The following MYH7B variants were observed in gnomAD, a reference collection of about 807,000 sequenced individuals.
The protein encoded by MYH7B is myosin-7B.
In MYH7B, 205 loss-of-function variants were observed where a neutral mutation model predicts 234.5. That is an observed-to-expected ratio of 0.87 (90% confidence interval 0.78 to 0.98). The LOEUF (loss-of-function observed/expected upper bound fraction) is 0.98, where lower values mean the gene tolerates loss of function less well. MYH7B is among the 50% of genes least tolerant of loss of function. The probability of loss-of-function intolerance (pLI) is 0.00; values close to 1 mark genes in which losing one functional copy is unlikely to be tolerated. For synonymous variants in MYH7B, 1,193 were observed against 1,105.0 expected (o/e 1.08, Z -1.58); for missense variants, 2,652 against 2,633.4 (o/e 1.01, Z -0.15).
intron 7 of MYH7B, 48 bp from the exon 8 acceptor site, chr20:34,980,530 T>TC: frequency 1.3e-6 from 2 of 1,511,354 alleles, no homozygotes; most frequent in Non-Finnish European, 1.8e-6. Flanking sequence ...AGAGCAAGAC[T>TC]CCATCTCAAA....
chr20:34,990,972 T>G, intron 23 of MYH7B, 32 bp from the exon 24 acceptor site: 1 of 1,592,460 alleles, frequency 6.3e-7, no homozygotes, highest in South Asian at 1.1e-5. Flanking sequence ...GTGTGCCTGT[T>G]GACCTCTGAC....
chr20:34,967,810 C>T (rs1413112431), intron 2 of MYH7B, among the ~76,000 whole-genome samples: 1 of 152,192 alleles, frequency 6.6e-6, no homozygotes, highest in Non-Finnish European at 1.5e-5. Flanking sequence ...CTGACCAAGC[C>T]TGGGGCAAGC....
chr20:34,985,948 A>T (rs2082013613), intron 13 of MYH7B, 152 bp from the exon 14 acceptor site: 1 of 673,658 alleles, frequency 1.5e-6, no homozygotes, highest in Non-Finnish European at 2.7e-6. Flanking sequence ...TGACGCAGGC[A>T]CAGGGGAGAT....
At chr20:34,967,732 C>T (rs373303748) in intron 2 of MYH7B, among the ~76,000 whole-genome samples, 63 of 152,318 alleles carry the variant, frequency 4.1e-4, no homozygotes, top group African/African-American at 1.4e-3. Flanking sequence ...TCAGAACAAA[C>T]CTGATGCCAA....
At chr20:34,969,583 C>T (rs952275880) in intron 2 of MYH7B, among the ~76,000 whole-genome samples, 2 of 133,376 alleles carry the variant, frequency 1.5e-5, no homozygotes, top group South Asian at 2.3e-4. Context: ...CTAGCTCTGT[C>T]GCCCAGGCTG....
Position 35,002,086 on chromosome 20 carries a change from G to A in MYH7B, c.5814+1G>A. On this transcript the variant is annotated splice_donor_variant, in intron 44 of 44. Coordinates refer to ENST00000262873, the Ensembl canonical transcript of MYH7B. LOFTEE classifies it high-confidence loss of function. ...GACCCGGGACGCCCTGGGCCCCAAG[G>A]TGAGGAGTGGCAGGGGCATTGCTCT... The A allele has an allele frequency of 2.5e-6, 4 of 1,613,678 alleles. No homozygotes were observed. The highest frequency in any genetic ancestry group is 3.4e-6 in the Non-Finnish European group (4 of 1,179,952).
intron 38 of MYH7B, 136 bp downstream of exon 38, chr20:35,000,042 C>G (rs1368470614): frequency 2.1e-6 from 2 of 955,600 alleles, no homozygotes; most frequent in Non-Finnish European, 3.2e-6. Flanking sequence ...CTGTGAACCT[C>G]GGAGATGCTA....
chr20:35,000,891 G>A (rs2147246326), exon 40 of MYH7B: 1 of 1,611,986 alleles, frequency 6.2e-7, no homozygotes, highest in Admixed American at 1.7e-5. Flanking sequence ...GGCCATCACT[G>A]ATGTGAGGCT....
At chr20:34,984,040 C>T (rs913491909) in intron 10 of MYH7B, among the ~76,000 whole-genome samples, 3 of 152,220 alleles carry the variant, frequency 2.0e-5, no homozygotes, top group African/African-American at 7.2e-5. Flanking sequence ...GTCCAGGCGG[C>T]AGGATGCTGG....
chr20:34,973,403 T>C (rs555049563), intron 2 of MYH7B, among the ~76,000 whole-genome samples: 2 of 152,346 alleles, frequency 1.3e-5, no homozygotes, highest in Non-Finnish European at 2.9e-5. Context: ...CACAGAGTCC[T>C]TCGATGTCTT....
intron 2 of MYH7B, among the ~76,000 whole-genome samples, chr20:34,974,173 C>T (rs555106522): frequency 2.8e-4 from 43 of 151,412 alleles, no homozygotes; most frequent in African/African-American, 6.8e-4. Flanking sequence ...GTAATCCACC[C>T]GCCTTGGCTT....
intron 19 of MYH7B, among the ~76,000 whole-genome samples, chr20:34,989,409 G>T (rs1314946591): frequency 2.0e-5 from 3 of 152,124 alleles, no homozygotes; most frequent in South Asian, 2.1e-4. Flanking sequence ...GGCTTTTTTT[G>T]ACTTACCCCA....
chr20:34,991,169 G>C (rs781539453), intron 24 of MYH7B, 48 bp downstream of exon 24: 1 of 1,355,808 alleles, frequency 7.4e-7, no homozygotes, highest in African/African-American at 1.4e-5. Context: ...GAGGCCTGAG[G>C]GGCTGGGCAG....
exon 17 of MYH7B, chr20:34,987,565 A>G (rs1414269779): frequency 6.2e-7 from 1 of 1,612,738 alleles, no homozygotes; most frequent in South Asian, 1.1e-5. Flanking sequence ...AGGTGCTGAC[A>G]AGGCTGCCTA....
intron 10 of MYH7B, among the ~76,000 whole-genome samples, chr20:34,983,594 G>A (rs868810082): frequency 1.3e-5 from 2 of 152,124 alleles, no homozygotes; most frequent in Non-Finnish European, 2.9e-5. Flanking sequence ...TGGAGCCCAG[G>A]GGAGAGGGTC....
chr20:34,997,068 C>T lies in MYH7B; in HGVS notation c.3267-15C>T. The stretch of plus-strand genomic sequence containing the variant: ...AGTTAAGGCCTGTGCTGGCCACCCA[C>T]TCTGTGGCTCCCAGGAAGGACTCCG... On this transcript the variant is annotated splice_polypyrimidine_tract_variant and intron_variant, in intron 30 of 44. Coordinates refer to ENST00000262873, the Ensembl canonical transcript of MYH7B. The T allele has an allele frequency of 1.9e-6, 3 of 1,547,856 alleles. No homozygotes were observed. The highest frequency in any genetic ancestry group is 1.4e-5 in the African/African-American group (1 of 72,872).
Position 34,999,866 on chromosome 20 carries a change from C to T in MYH7B, c.4741C>T (p.Arg1581Trp), listed in dbSNP as rs780992553. The T allele has an allele frequency of 1.5e-5, 24 of 1,612,096 alleles. No homozygotes were observed. Among genetic ancestry groups the T allele is most frequent in the Middle Eastern group, 1.7e-4 (1 of 6,054 alleles). ...CTCCCAGGTCAAAGCAGAAGTGGAC[C>T]GGAAGCTGGCAGAGAAAGACGAGGA... is the stretch of plus-strand genomic sequence containing the variant. Residue 1581 changes from arginine (R) to tryptophan (W), a missense_variant, in exon 38 of 45, where the codon CGG (arginine) becomes TGG (tryptophan). Physicochemically the swap from Arg to Trp is moderately radical, Grantham distance 101. Around this residue, in one of 3 missense-constraint regions of MYH7B, gnomAD observed 2,279 missense variants for 2,211.4 expected, o/e 1.03. Transcript: ENST00000262873.
At chr20:34,996,967 C>A in intron 30 of MYH7B, 116 bp from the exon 31 acceptor site, 5 of 1,145,670 alleles carry the variant, frequency 4.4e-6, no homozygotes, top group Non-Finnish European at 4.6e-6. Context: ...CCCAGTGCAG[C>A]AGGTGCATGG....
At chr20:34,979,930 T>A (rs2081917637) in intron 7 of MYH7B, 126 bp downstream of exon 7, 1 of 1,008,586 alleles carries the variant, frequency 9.9e-7, no homozygotes, top group South Asian at 1.6e-5. Context: ...GGGCTGTGAA[T>A]GATAGAGCGG....
Sources: allele counts gnomAD v4.1 joint callset (sites outside exome capture counted in the v4.1 genomes callset), GRCh38; gene constraint gnomAD v4.1.1; regional missense constraint gnomAD v4.1.1; transcripts MANE v1.5; gene names NCBI Gene and HGNC (gene_info 2026-07-23, HGNC 2026-07-21).